WDR72: variants seen among roughly 807,000 people sequenced by gnomAD.
The protein encoded by WDR72 is WD repeat-containing protein 72.
A neutral mutation model predicts 124.2 loss-of-function variants in WDR72; 120 were observed. The observed-to-expected ratio is 0.97, with a 90% CI of 0.83 to 1.12. The LOEUF (loss-of-function observed/expected upper bound fraction) is 1.12. Ranked by LOEUF, WDR72 falls within the 50% of genes most tolerant of loss-of-function variation. The pLI is 0.00. For missense variants in WDR72, 1,387 were observed against 1,278.8 expected, an observed-to-expected ratio of 1.08 and a Z score of -1.29; for synonymous variants, 452 against 441.7, an observed-to-expected ratio of 1.02 and a Z score of -0.29.
chr15:53,684,813 C>T (rs2016551128), intron 13 of WDR72, among the ~76,000 whole-genome samples: 1 of 151,548 alleles, frequency 6.6e-6, no homozygotes, highest in Admixed American at 6.6e-5. Context: ...ATGTCCCTGT[C>T]TGACAGCTTT....
chr15:53,646,519 G>T (rs2015047716), intron 14 of WDR72, among the ~76,000 whole-genome samples: 1 of 151,982 alleles, frequency 6.6e-6, no homozygotes, highest in Non-Finnish European at 1.5e-5. Flanking sequence ...AAGAAATAAG[G>T]TAAACAAAAT....
chr15:53,565,255 A>G (rs543532626), intron 18 of WDR72, among the ~76,000 whole-genome samples: 3 of 152,030 alleles, frequency 2.0e-5, no homozygotes, highest in African/African-American at 7.2e-5. Flanking sequence ...CAAGAGATGC[A>G]GTTTAAGAAG....
chr15:53,638,211 A>C (rs550257473), intron 14 of WDR72, among the ~76,000 whole-genome samples: 1 of 152,354 alleles, frequency 6.6e-6, no homozygotes, highest in African/African-American at 2.4e-5. Flanking sequence ...CTTAGCTATA[A>C]CATTAGACAA....
intron 18 of WDR72, among the ~76,000 whole-genome samples, chr15:53,554,793 A>G (rs1244751506): frequency 6.6e-6 from 1 of 152,152 alleles, no homozygotes; most frequent in Non-Finnish European, 1.5e-5. Context: ...CACACTTCAC[A>G]TTTATTTTTA....
intron 14 of WDR72, among the ~76,000 whole-genome samples, chr15:53,653,044 T>C (rs1260670580): frequency 6.6e-6 from 1 of 152,190 alleles, no homozygotes; most frequent in Non-Finnish European, 1.5e-5. Context: ...TACAACCAAG[T>C]CACATGTAAA....
intron 12 of WDR72, 54 bp downstream of exon 12, chr15:53,702,080 C>A: frequency 7.3e-7 from 1 of 1,360,962 alleles, no homozygotes; most frequent in Non-Finnish European, 1.0e-6. Flanking sequence ...ATTAAGTATT[C>A]TATAATTTAT....
chr15:53,602,563 AT>A (rs373056021), intron 17 of WDR72, among the ~76,000 whole-genome samples: 27 of 151,958 alleles, frequency 1.8e-4, no homozygotes, highest in African/African-American at 2.4e-4. Flanking sequence ...TTTTTGGAAA[AT>A]AAAATAAAAT....
intron 2 of WDR72, among the ~76,000 whole-genome samples, chr15:53,726,055 G>A (rs1160479758): frequency 2.0e-5 from 3 of 149,234 alleles, no homozygotes; most frequent in African/African-American, 5.0e-5. Flanking sequence ...CTGGGTGACA[G>A]AATGAGAGTT....
chr15:53,635,489 A>T (rs538054216), intron 14 of WDR72, among the ~76,000 whole-genome samples: 1 of 152,310 alleles, frequency 6.6e-6, no homozygotes, highest in African/African-American at 2.4e-5. Context: ...GTGGGAGCTT[A>T]AAATTTATTT....
At chr15:53,654,233 A>C (rs1402940691) in intron 14 of WDR72, among the ~76,000 whole-genome samples, 3 of 152,214 alleles carry the variant, frequency 2.0e-5, no homozygotes, top group Non-Finnish European at 4.4e-5. Flanking sequence ...GAGGGCTGCA[A>C]AAGATTTAAG....
chr15:53,616,137 A>G lies in WDR72; in HGVS notation c.2069T>C (p.Val690Ala), dbSNP rs761405422. 157 of 1,604,648 alleles carry G rather than the reference A, an allele frequency of 9.8e-5. No individual in the cohort carries two copies. Among genetic ancestry groups the G allele is most frequent in the Non-Finnish European group, 1.3e-4 (155 of 1,174,780 alleles). ...GAGTGGAGTTGGTAGCAAAAGTTCA[A>G]CAAGGTTTTCCAGATCAAATAGAAG... ...HILLFDLENL[V>A]ELLLPTPLSD... The change falls in exon 15 of 20, where the codon GTT becomes GCT. Residue 690 changes from valine to alanine, a missense_variant. By Grantham distance (64) the Val-to-Ala change is moderately conservative (BLOSUM62 0). Transcript: ENST00000360509.
At position 53,617,051 on chromosome 15, in the gene WDR72, T is replaced by C. The variant is rs144830098; in HGVS notation, c.1963-808A>G. Among the ~76,000 whole-genome samples, 8 of 152,066 alleles carry C rather than the reference T, an allele frequency of 5.3e-5. No homozygotes were observed. In the East Asian group the frequency reaches 1.5e-3, roughly 29 times the overall value. On this transcript the variant is annotated intron_variant, in intron 14 of 19. Transcript: ENST00000360509. ...CTTCTATACAGCATTATCAAGAGAC[T>C]CAATTAATGTTTGTTGAATTAATAA...
At chr15:53,742,922 A>C (rs1192152408) in intron 1 of WDR72, among the ~76,000 whole-genome samples, 1 of 152,210 alleles carries the variant, frequency 6.6e-6, no homozygotes, top group Admixed American at 6.5e-5. Flanking sequence ...AGCTATGGAA[A>C]TAATTATATA....
chr15:53,519,481 A>G (rs1891662331), intron 19 of WDR72, among the ~76,000 whole-genome samples: 1 of 152,100 alleles, frequency 6.6e-6, no homozygotes, highest in African/African-American at 2.4e-5. Context: ...AGGAAGGTAT[A>G]AATGCCAGTG....
intron 17 of WDR72, among the ~76,000 whole-genome samples, 163 bp from the exon 18 acceptor site, chr15:53,597,437 G>C (rs963565944): frequency 6.6e-6 from 1 of 152,110 alleles, no homozygotes; most frequent in African/African-American, 2.4e-5. Context: ...AATGTGGGTA[G>C]CAACAACTGG....
Position 53,609,345 on chromosome 15 carries a change from C to T in WDR72, c.2952+168G>A, listed in dbSNP as rs183535785. On this transcript the variant is annotated intron_variant, in intron 17 of 19. Coordinates refer to ENST00000360509, the MANE Select transcript of WDR72 (RefSeq NM_182758.4). The stretch of plus-strand genomic sequence containing the variant: ...TCACGCTCCCCTAGTGAATGGTGTA[C>T]CCTTGCTTATGTTATGGTCCGTGTT... Among the ~76,000 whole-genome samples, 91 of 152,202 alleles carry T rather than the reference C, an allele frequency of 6.0e-4. 9 individuals carry two copies. In the East Asian group the frequency reaches 8.1e-3, roughly 14 times the overall value.
intron 18 of WDR72, among the ~76,000 whole-genome samples, chr15:53,586,036 C>T (rs1186320515): frequency 1.3e-5 from 2 of 152,046 alleles, no homozygotes; most frequent in African/African-American, 4.8e-5. Context: ...GTTAATTTCT[C>T]ATACCACACT....
At chr15:53,606,237 C>T (rs73408230) in intron 17 of WDR72, among the ~76,000 whole-genome samples, 21,190 of 152,154 alleles carry the variant, frequency 0.14, 2,306 homozygotes, top group African/African-American at 0.3. Context: ...AAATGTTCTG[C>T]TGAATCCTTC....
At chr15:53,739,724 A>G (rs1157160246) in intron 1 of WDR72, among the ~76,000 whole-genome samples, 1 of 152,060 alleles carries the variant, frequency 6.6e-6, no homozygotes, top group African/African-American at 2.4e-5. Flanking sequence ...TGAGACAACG[A>G]AAATCACCAT....
Sources: allele counts gnomAD v4.1 joint callset (sites outside exome capture counted in the v4.1 genomes callset), GRCh38; gene constraint gnomAD v4.1.1; transcripts MANE v1.5; gene names NCBI Gene and HGNC (gene_info 2026-07-23, HGNC 2026-07-21).